The following CAP2 variants were observed in gnomAD, a reference collection of about 807,000 sequenced individuals.
CAP2 encodes the protein cyclase associated actin cytoskeleton regulatory protein 2.
Under a neutral mutation model 57.7 loss-of-function variants are expected in CAP2, and 24 were observed. That is an observed-to-expected ratio of 0.42 (90% CI 0.30 to 0.58). CAP2 has a LOEUF of 0.58. Ranked by LOEUF, CAP2 falls within the 20% of genes least tolerant of loss-of-function variation. CAP2 has a pLI of 0.22. For missense variants in CAP2, 501 were observed against 590.3 expected (o/e 0.85, Z 1.57); for synonymous variants, 194 against 207.2 (o/e 0.94, Z 0.55).
intron 4 of CAP2, among the ~76,000 whole-genome samples, chr6:17,465,860 C>T (rs1760851124): frequency 6.6e-6 from 1 of 152,136 alleles, no homozygotes. Context: ...CAAAAGGCCT[C>T]CCTCCCCCAT....
intron 7 of CAP2, among the ~76,000 whole-genome samples, chr6:17,528,708 CTT>C (rs1762566868): frequency 6.6e-6 from 1 of 152,098 alleles, no homozygotes; most frequent in African/African-American, 2.4e-5. Context: ...GTGGGACTGT[CTT>C]TTTATTTTGA....
At chr6:17,554,621 A>C (rs1315535734) in intron 12 of CAP2, among the ~76,000 whole-genome samples, 1 of 152,248 alleles carries the variant, frequency 6.6e-6, no homozygotes, top group Non-Finnish European at 1.5e-5. Context: ...TCCTACATCT[A>C]GGAAGATAGG....
rs1475497188 is a variant in CAP2 at position 17,551,622 on chromosome 6, G to T, written c.1350+18G>T. On this transcript the variant is annotated intron_variant, in intron 12 of 12. Coordinates refer to ENST00000229922, the MANE Select transcript of CAP2 (RefSeq NM_006366.3). Reference sequence around the variant, plus strand: ...GTGATTATGTAAGTACCTTTCAAAAGGCTGTCAAGAATTTTTCTGGAGCCT... The same window carrying T: ...GTGATTATGTAAGTACCTTTCAAAATGCTGTCAAGAATTTTTCTGGAGCCT... The T allele has an allele frequency of 1.3e-6, 2 of 1,550,378 alleles. No homozygotes were observed. The highest frequency in any genetic ancestry group is 1.7e-6 in the Non-Finnish European group (2 of 1,146,296).
chr6:17,548,406 C>A (rs184290492), intron 11 of CAP2, among the ~76,000 whole-genome samples: 2 of 151,468 alleles, frequency 1.3e-5, no homozygotes, highest in Admixed American at 6.6e-5. Flanking sequence ...AAAGAAAATG[C>A]AATAGAAAAT....
At chr6:17,462,326 G>C (rs1760751580) in intron 3 of CAP2, among the ~76,000 whole-genome samples, 1 of 152,186 alleles carries the variant, frequency 6.6e-6, no homozygotes, top group Non-Finnish European at 1.5e-5. Context: ...TGTGGGCACA[G>C]TGTGAAAGAG....
chr6:17,406,413 T>TTTTTTTTTTTTTTTTTTG (rs1156614515), intron 1 of CAP2, among the ~76,000 whole-genome samples: 1 of 144,344 alleles, frequency 6.9e-6, no homozygotes, highest in Non-Finnish European at 1.5e-5. Context: ...TTTTTTTTTT[T>TTTTTTTTTTTTTTTTTTG]GAGGCAGTCT....
chr6:17,509,897 T>C (rs1431196986), intron 6 of CAP2, among the ~76,000 whole-genome samples: 2 of 152,082 alleles, frequency 1.3e-5, no homozygotes, highest in Admixed American at 1.3e-4. Context: ...AAAAAAAGAA[T>C]GAAGTATTGA....
rs1762026222 is a variant in CAP2, at chr6:17,507,668, G to A, written c.472G>A (p.Glu158Lys). Residue 158 changes from glutamate (E) to lysine (K), a missense_variant, in exon 6 of 13, where the codon GAG becomes AAG. Coordinates refer to ENST00000229922, the MANE Select transcript of CAP2 (RefSeq NM_006366.3). ...VSPKPGPYVKEMNDAATFYTN... is the reference protein window; with the variant it reads ...VSPKPGPYVKKMNDAATFYTN... ...TCCCAAACCTGGTCCTTATGTCAAG[G>A]AGATGAATGACGCTGCCACCTTTTA... The A allele has an allele frequency of 3.1e-6, 5 of 1,610,410 alleles. No homozygotes were observed. The highest frequency in any genetic ancestry group is 1.1e-5 in the South Asian group (1 of 90,980).
intron 4 of CAP2, among the ~76,000 whole-genome samples, chr6:17,492,601 C>T (rs1761571024): frequency 6.6e-6 from 1 of 152,218 alleles, no homozygotes; most frequent in Admixed American, 6.5e-5. Context: ...CTGATTTCTC[C>T]TCATTGATGT....
At chr6:17,508,830 T>A (rs976658285) in intron 6 of CAP2, among the ~76,000 whole-genome samples, 1 of 151,644 alleles carries the variant, frequency 6.6e-6, no homozygotes, top group Non-Finnish European at 1.5e-5. Flanking sequence ...GCATCTTGGC[T>A]CACTGCAACC....
intron 4 of CAP2, among the ~76,000 whole-genome samples, chr6:17,467,700 T>TG (rs1219237399): frequency 3.9e-5 from 6 of 152,140 alleles, no homozygotes; most frequent in Non-Finnish European, 7.4e-5. Context: ...ATTTTTCTAT[T>TG]TTTTAGAAGA....
At chr6:17,413,598 A>G (rs932238334) in intron 1 of CAP2, among the ~76,000 whole-genome samples, 1 of 152,208 alleles carries the variant, frequency 6.6e-6, no homozygotes, top group African/African-American at 2.4e-5. Flanking sequence ...AACATATTCA[A>G]TGAGCCAGTT....
intron 4 of CAP2, among the ~76,000 whole-genome samples, chr6:17,465,299 C>G (rs942807521): frequency 3.3e-5 from 5 of 152,076 alleles, no homozygotes; most frequent in Non-Finnish European, 7.4e-5. Context: ...CTCAAGTGAT[C>G]CTCCCACCTC....
At chr6:17,547,164 G>C (rs1212761318) in intron 11 of CAP2, among the ~76,000 whole-genome samples, 2 of 152,176 alleles carry the variant, frequency 1.3e-5, no homozygotes, top group Non-Finnish European at 2.9e-5. Flanking sequence ...ATAAGCCACT[G>C]TAACCATTTT....
chr6:17,551,103 T>C (rs1763161839), intron 11 of CAP2, among the ~76,000 whole-genome samples: 2 of 152,242 alleles, frequency 1.3e-5, no homozygotes, highest in South Asian at 2.1e-4. Context: ...TGAATATGAA[T>C]GCATCTTGTT....
intron 1 of CAP2, among the ~76,000 whole-genome samples, chr6:17,412,862 G>A (rs184001664): frequency 6.6e-6 from 1 of 152,322 alleles, no homozygotes; most frequent in Non-Finnish European, 1.5e-5. Context: ...CGATGGAGAT[G>A]TCAGGGAGTA....
chr6:17,451,349 T>C (rs1324305235), intron 3 of CAP2, among the ~76,000 whole-genome samples: 4 of 152,182 alleles, frequency 2.6e-5, no homozygotes, highest in African/African-American at 9.7e-5. Context: ...CCATGGGTCA[T>C]ATCAACAAAC....
chr6:17,408,841 T>G (rs9477418), intron 1 of CAP2, among the ~76,000 whole-genome samples: 15,370 of 151,220 alleles, frequency 0.1, 2,611 homozygotes, highest in African/African-American at 0.35. Flanking sequence ...AGCTAATTTT[T>G]TGTATTTTTA....
intron 4 of CAP2, among the ~76,000 whole-genome samples, chr6:17,466,979 A>G (rs1324220044): frequency 6.6e-6 from 1 of 152,200 alleles, no homozygotes; most frequent in African/African-American, 2.4e-5. Context: ...GTGTTGTAAC[A>G]GGGCTCTGAG....
Sources: gnomAD v4.1 joint callset for allele counts (sites outside exome capture counted in the v4.1 genomes callset) on GRCh38, gnomAD v4.1.1 for gene constraint, MANE v1.5 for transcripts, NCBI Gene and HGNC (gene_info 2026-07-23, HGNC 2026-07-21) for gene names.